PTPRQ: variants seen among roughly 807,000 people sequenced by gnomAD.
PTPRQ encodes the protein phosphatidylinositol phosphatase PTPRQ.
Under a neutral mutation model 246.0 loss-of-function variants are expected in PTPRQ, and 199 were observed. That is an observed-to-expected ratio of 0.81 (90% CI 0.72 to 0.91). The LOEUF is 0.91. Among genes scored for constraint, PTPRQ ranks in the 40% least tolerant of loss-of-function variants. PTPRQ has a pLI of 0.00. For synonymous variants in PTPRQ, 869 were observed against 853.2 expected (o/e 1.02, Z -0.32); for missense variants, 2,624 against 2,528.4 (o/e 1.04, Z -0.81).
At chr12:80,603,810 C>A (rs543641589) in intron 26 of PTPRQ, among the ~76,000 whole-genome samples, 174 of 151,678 alleles carry the variant, frequency 1.1e-3, no homozygotes, top group African/African-American at 4.1e-3. Flanking sequence ...CTTTACCTTG[C>A]AACCCTGCCC....
intron 14 of PTPRQ, among the ~76,000 whole-genome samples, chr12:80,497,607 C>G (rs748027300): frequency 6.6e-6 from 1 of 151,986 alleles, no homozygotes; most frequent in Non-Finnish European, 1.5e-5. Context: ...GTAAAACAAG[C>G]AAGGAATTAC....
rs933845185 is a variant in PTPRQ, at chr12:80,459,501, C to G, written c.660+18C>G. The G allele has an allele frequency of 2.5e-5, 10 of 395,572 alleles. No individual in the cohort carries two copies. The highest frequency in any genetic ancestry group is 2.1e-4 in the African/African-American group (10 of 46,836). 24.5% of individuals were successfully genotyped at this position (395,572 alleles called of 1,614,324 possible). A position where few individuals can be genotyped will look rare whatever the true frequency, so the allele number is the denominator to read the frequency against. ...AATGCAATGTAAGTATCACAGAACA[C>G]TTTCTATGTCTTGAAAAATCTTAGA... On this transcript the variant is annotated intron_variant, in intron 5 of 44. Transcript: ENST00000644991.
chr12:80,516,632 G>T (rs1370717069), intron 17 of PTPRQ, among the ~76,000 whole-genome samples: 1 of 152,138 alleles, frequency 6.6e-6, no homozygotes, highest in African/African-American at 2.4e-5. Flanking sequence ...TAACATAAAA[G>T]ATTACCTTTG....
chr12:80,659,868 A>G (rs1900571352), intron 39 of PTPRQ, among the ~76,000 whole-genome samples: 1 of 152,092 alleles, frequency 6.6e-6, no homozygotes. Context: ...GCACTTTACA[A>G]GAAGGCGGAT....
intron 17 of PTPRQ, among the ~76,000 whole-genome samples, chr12:80,528,247 C>T (rs11114498): frequency 0.5 from 76,570 of 151,812 alleles, 23,309 homozygotes; most frequent in Non-Finnish European, 0.67. Context: ...AGGAGAGAAA[C>T]GGGTAGTTAA....
intron 9 of PTPRQ, among the ~76,000 whole-genome samples, chr12:80,487,246 T>G (rs1364054863): frequency 1.3e-5 from 2 of 152,072 alleles, no homozygotes; most frequent in African/African-American, 4.8e-5. Context: ...AGAAATCTTC[T>G]CTGAGATAAT....
rs143556799 is a variant in PTPRQ at position 80,549,256 on chromosome 12, G to A, written c.4016-209G>A. 7.4e-3 allele frequency among the ~76,000 whole-genome samples: 1,125 copies of A among 152,168 alleles called. 13 individuals are homozygous for A. The highest frequency in any genetic ancestry group is 0.026 in the African/African-American group (1,085 of 41,532). On this transcript the variant is annotated intron_variant, in intron 24 of 44. Coordinates refer to ENST00000644991, the MANE Select transcript of PTPRQ (RefSeq NM_001145026.2). ...GATATTTAGTGACTGGTTCAATACTGTAATGATTAATACAATAGCATAAAA... is the reference window on the plus strand; with the variant it reads ...GATATTTAGTGACTGGTTCAATACTATAATGATTAATACAATAGCATAAAA...
In PTPRQ at chr12:80,588,313, C is replaced by A. The variant is rs781570738; in HGVS notation, c.4470C>A (p.Tyr1490Ter). 2.6e-6 allele frequency: 4 copies of A among 1,551,348 alleles called. No individual in the cohort carries two copies. Among genetic ancestry groups the A allele is most frequent in the African/African-American group, 2.7e-5 (2 of 73,010 alleles). The change falls in exon 26 of 45, where the codon TAC (tyrosine) becomes TAA (stop). Residue 1490 changes from tyrosine (Y) to a stop codon, truncating the protein, a stop_gained. Coordinates refer to ENST00000644991, the MANE Select transcript of PTPRQ (RefSeq NM_001145026.2). LOFTEE classifies it high-confidence loss of function. Reference protein sequence around the residue: ...EECVEYQKIQYLYEAHLTEET... With the variant: ...EECVEYQKIQ ...GTGTTGAATATCAAAAAATTCAATA[C>A]CTCTATGAAGCTCACTTAACTGAAG...
intron 6 of PTPRQ, chr12:80,465,647 C>T (rs1442703368): frequency 2.0e-5 from 3 of 152,198 alleles, no homozygotes; most frequent in Non-Finnish European, 1.5e-5. Flanking sequence ...CACCAAAAAG[C>T]TTATCCACCA....
chr12:80,555,479 G>A (rs1175504277), intron 25 of PTPRQ, among the ~76,000 whole-genome samples: 1 of 152,262 alleles, frequency 6.6e-6, no homozygotes, highest in East Asian at 1.9e-4. Context: ...ACAAATTAGT[G>A]CACTAAATCA....
chr12:80,506,706 C>A, intron 16 of PTPRQ, 36 bp downstream of exon 16: 1 of 1,510,194 alleles, frequency 6.6e-7, no homozygotes, highest in African/African-American at 1.4e-5. Flanking sequence ...TACTTTGATT[C>A]TATAACATTC....
At chr12:80,657,896 T>C (rs1158224855) in intron 38 of PTPRQ, 89 bp from the exon 39 acceptor site, 8 of 961,276 alleles carry the variant, frequency 8.3e-6, no homozygotes, top group Non-Finnish European at 1.1e-5. Context: ...AATGTTATAT[T>C]ATGAACTCCT....
chr12:80,496,395 G>T lies in PTPRQ; in HGVS notation c.2136G>T (p.Lys712Asn). 1 of 1,550,544 alleles carries T rather than the reference G, an allele frequency of 6.4e-7. No homozygotes were observed. The highest frequency in any genetic ancestry group is 1.2e-5 in the South Asian group (1 of 83,964). ...AAAATATAGATACTTTATATATGAAGAACACATCAACAACAGACATAATAT... is the reference window on the plus strand; with the variant it reads ...AAAATATAGATACTTTATATATGAATAACACATCAACAACAGACATAATAT... ...LYKNIDTLYM[K>N]NTSTTDIILR... The change falls in exon 14 of 45, where the codon AAG becomes AAT. Residue 712 changes from lysine (K) to asparagine (N), a missense_variant. Transcript: ENST00000644991.
intron 39 of PTPRQ, among the ~76,000 whole-genome samples, chr12:80,660,730 C>T (rs1900601537): frequency 6.6e-6 from 1 of 151,946 alleles, no homozygotes; most frequent in Admixed American, 6.6e-5. Context: ...CAGATTTGTT[C>T]CTATGTTGAC....
At chr12:80,638,171 G>A (rs1478432270) in intron 35 of PTPRQ, among the ~76,000 whole-genome samples, 4 of 151,848 alleles carry the variant, frequency 2.6e-5, no homozygotes, top group Non-Finnish European at 5.9e-5. Context: ...AGGAGGCTGA[G>A]GCAGGAGAAT....
At position 80,573,251 on chromosome 12, in the gene PTPRQ, A is replaced by T. The variant is rs374744952; in HGVS notation, c.4286-14878A>T. Among the ~76,000 whole-genome samples the T allele has an allele frequency of 2.4e-4, 36 of 152,294 alleles. 1 individual carries two copies. Among genetic ancestry groups the T allele is most frequent in the African/African-American group, 8.4e-4 (35 of 41,572 alleles). On this transcript the variant is annotated intron_variant, in intron 25 of 44. Coordinates refer to ENST00000644991, the MANE Select transcript of PTPRQ (RefSeq NM_001145026.2). ...ACGCCTGTAATCCCAGCTCTTTGGG[A>T]GGCCAAGGCAGGCGGATCACGAGGT...
At position 80,454,617 on chromosome 12, in the gene PTPRQ, T is replaced by C. The variant is rs114312343; in HGVS notation, c.391-2958T>C. On this transcript the variant is annotated intron_variant, in intron 3 of 44. Coordinates refer to ENST00000644991, the MANE Select transcript of PTPRQ (RefSeq NM_001145026.2). ...TTGGCTGTGGTTTGTCATATATAGC[T>C]CTTATTATTTTGACATATGTTCCTT... 1,181 of 686,068 alleles carry C rather than the reference T, an allele frequency of 1.7e-3. 11 individuals carry two copies. The African/African-American group carries it at 0.018, about 11-fold the overall frequency. 42.5% of individuals were successfully genotyped at this position (686,068 alleles called of 1,614,324 possible). A position where few individuals can be genotyped will look rare whatever the true frequency, so the allele number is the denominator to read the frequency against.
chr12:80,450,152 G>C (rs944283881), intron 3 of PTPRQ, among the ~76,000 whole-genome samples: 1 of 151,996 alleles, frequency 6.6e-6, no homozygotes, highest in Non-Finnish European at 1.5e-5. Flanking sequence ...GTGAATGGGA[G>C]TTCACTCATG....
intron 44 of PTPRQ, 105 bp downstream of exon 44, chr12:80,678,830 T>G: frequency 1.4e-6 from 2 of 1,449,826 alleles, no homozygotes; most frequent in East Asian, 2.5e-5. Flanking sequence ...GAAGCTGGAT[T>G]AGTGCACAGA....
Sources: allele counts gnomAD v4.1 joint callset (sites outside exome capture counted in the v4.1 genomes callset), GRCh38; gene constraint gnomAD v4.1.1; transcripts MANE v1.5; gene names NCBI Gene and HGNC (gene_info 2026-07-23, HGNC 2026-07-21).